The following VPS13B variants were observed in gnomAD, a reference collection of about 807,000 sequenced individuals.
The protein encoded by VPS13B is vacuolar protein sorting 13 homolog B, also known as intermembrane lipid transfer protein VPS13B.
VPS13B carries 285 observed loss-of-function variants against 426.4 expected under a neutral mutation model. The ratio of observed to expected loss-of-function variants is 0.67; its 90% CI spans 0.61 to 0.74. VPS13B has a LOEUF of 0.74. Among genes scored for constraint, VPS13B ranks in the 30% least tolerant of loss-of-function variants. The probability of loss-of-function intolerance (pLI) is 0.00; values close to 1 mark genes in which losing one functional copy is unlikely to be tolerated. For missense variants in VPS13B, 4,537 were observed against 4,782.6 expected, an observed-to-expected ratio of 0.95 and a Z score of 1.51; for synonymous variants, 1,676 against 1,676.4, an observed-to-expected ratio of 1.00 and a Z score of 0.01.
intron 33 of VPS13B, among the ~76,000 whole-genome samples, chr8:99,636,462 T>G (rs1254553140): frequency 6.6e-6 from 1 of 151,972 alleles, no homozygotes; most frequent in African/African-American, 2.4e-5. Flanking sequence ...GCCAGATATC[T>G]TAAAGGTTAT....
chr8:99,164,712 T>C (rs1588104834), intron 15 of VPS13B, among the ~76,000 whole-genome samples: 1 of 136,184 alleles, frequency 7.3e-6, no homozygotes, highest in East Asian at 2.1e-4. Flanking sequence ...CTTCGACTTC[T>C]TCTTTGTCTC....
chr8:99,093,321 A>T (rs1468200618), intron 3 of VPS13B, among the ~76,000 whole-genome samples: 1 of 151,882 alleles, frequency 6.6e-6, no homozygotes, highest in African/African-American at 2.4e-5. Flanking sequence ...ATACTCTGGG[A>T]GTCTATGCTA....
intron 20 of VPS13B, 33 bp downstream of exon 20, chr8:99,384,350 C>T (rs762851364): frequency 6.5e-7 from 1 of 1,537,046 alleles, no homozygotes; most frequent in South Asian, 1.1e-5. Flanking sequence ...TTTCTGTTAA[C>T]AAATATTTTT....
At chr8:99,709,427 G>A (rs896946023) in intron 36 of VPS13B, among the ~76,000 whole-genome samples, 8 of 152,106 alleles carry the variant, frequency 5.3e-5, no homozygotes, top group Admixed American at 5.2e-4. Flanking sequence ...TCTTCTGAAG[G>A]AGTATTTTAG....
At chr8:99,544,322 G>T (rs1481877829) in intron 30 of VPS13B, among the ~76,000 whole-genome samples, 2 of 152,108 alleles carry the variant, frequency 1.3e-5, no homozygotes, top group African/African-American at 2.4e-5. Flanking sequence ...GTGGGGTGGG[G>T]GTCAGGGGGA....
chr8:99,515,515 G>A (rs932902402), intron 29 of VPS13B, among the ~76,000 whole-genome samples: 3 of 152,028 alleles, frequency 2.0e-5, no homozygotes, highest in African/African-American at 7.2e-5. Context: ...AGGTGCCTAG[G>A]TACTTCCTAA....
intron 19 of VPS13B, among the ~76,000 whole-genome samples, chr8:99,315,870 C>G (rs1809623971): frequency 6.6e-6 from 1 of 152,072 alleles, no homozygotes; most frequent in Admixed American, 6.6e-5. Flanking sequence ...TATTTCTTTG[C>G]CTTTTGTATG....
chr8:99,709,029 G>A (rs1022879962), intron 36 of VPS13B, among the ~76,000 whole-genome samples: 1 of 152,104 alleles, frequency 6.6e-6, no homozygotes, highest in African/African-American at 2.4e-5. Flanking sequence ...ATAATTGGTT[G>A]AAGGAATGGA....
intron 17 of VPS13B, chr8:99,234,468 G>A (rs1287512766): frequency 3.5e-6 from 2 of 573,876 alleles, no homozygotes; most frequent in African/African-American, 1.9e-5. Context: ...CCTTGGCCTC[G>A]CCGCCGCCCC....
chr8:99,135,024 A>G lies in VPS13B; in HGVS notation c.1312A>G (p.Met438Val). ...TCCTTTCGTCTTATAGGCCCTTATG[A>G]TGGGAGAACCTTTCTTTGATTGCCA... Reference protein sequence around the residue: ...QEGTTVEALMMGEPFFDCQIG... With the variant: ...QEGTTVEALMVGEPFFDCQIG... Residue 438 changes from methionine (M) to valine (V), a missense_variant, in exon 10 of 62, where the codon ATG (methionine) becomes GTG (valine). By Grantham distance (21) the Met-to-Val change is conservative. Transcript: ENST00000357162. 6.2e-7 allele frequency: 1 copy of G among 1,613,484 alleles called. No individual in the cohort carries two copies. Among genetic ancestry groups the G allele is most frequent in the South Asian group, 1.1e-5 (1 of 91,050 alleles).
At chr8:99,330,156 A>G (rs1298685614) in intron 19 of VPS13B, among the ~76,000 whole-genome samples, 1 of 151,946 alleles carries the variant, frequency 6.6e-6, no homozygotes, top group Non-Finnish European at 1.5e-5. Flanking sequence ...TGAACATGTT[A>G]TTTGGACTAG....
At chr8:99,448,786 T>A (rs1392803945) in intron 23 of VPS13B, among the ~76,000 whole-genome samples, 1 of 152,194 alleles carries the variant, frequency 6.6e-6, no homozygotes, top group Non-Finnish European at 1.5e-5. Flanking sequence ...CTTCAGTCAT[T>A]TCCTCTCTTG....
intron 34 of VPS13B, among the ~76,000 whole-genome samples, chr8:99,642,731 A>G (rs1829421777): frequency 6.6e-6 from 1 of 152,156 alleles, no homozygotes; most frequent in Admixed American, 6.5e-5. Context: ...TTTTCCAGGA[A>G]CTGAATGAAT....
At chr8:99,757,270 C>T (rs1397489839) in intron 39 of VPS13B, among the ~76,000 whole-genome samples, 1 of 152,166 alleles carries the variant, frequency 6.6e-6, no homozygotes, top group East Asian at 1.9e-4. Context: ...GCTTTGTACT[C>T]ACTAACCAGA....
intron 3 of VPS13B, among the ~76,000 whole-genome samples, chr8:99,063,777 C>T (rs1844325458): frequency 6.6e-6 from 1 of 152,194 alleles, no homozygotes; most frequent in Non-Finnish European, 1.5e-5. Flanking sequence ...TCAAGTGGGT[C>T]CCTGACCCCT....
At chr8:99,367,476 C>T (rs914594144) in intron 19 of VPS13B, among the ~76,000 whole-genome samples, 2 of 152,096 alleles carry the variant, frequency 1.3e-5, no homozygotes, top group African/African-American at 4.8e-5. Context: ...AGATTGTCTT[C>T]TTTCGGTCAG....
At chr8:99,468,802 C>T (rs3105205) in intron 24 of VPS13B, among the ~76,000 whole-genome samples, 26,478 of 152,134 alleles carry the variant, frequency 0.17, 2,829 homozygotes, top group East Asian at 0.38. Context: ...TTACATTTTA[C>T]TATCACGTGA....
At chr8:99,063,489 G>A (rs541264064) in intron 3 of VPS13B, among the ~76,000 whole-genome samples, 5 of 152,316 alleles carry the variant, frequency 3.3e-5, no homozygotes, top group Non-Finnish European at 5.9e-5. Context: ...GTCTGAGATC[G>A]ACCTGCAAGG....
intron 21 of VPS13B, among the ~76,000 whole-genome samples, chr8:99,402,226 C>CA: frequency 6.6e-6 from 1 of 152,132 alleles, no homozygotes; most frequent in Middle Eastern, 3.2e-3. Context: ...CATCAAGGGA[C>CA]AATAGAAGCC....
Sources: gnomAD v4.1 joint callset for allele counts (sites outside exome capture counted in the v4.1 genomes callset) on GRCh38, gnomAD v4.1.1 for gene constraint, MANE v1.5 for transcripts, NCBI Gene and HGNC (gene_info 2026-07-23, HGNC 2026-07-21) for gene names.